Variants in EYA4 observed in about 807,000 individuals in gnomAD.
EYA4 encodes the protein protein phosphatase EYA4.
Under a neutral mutation model 87.9 loss-of-function variants are expected in EYA4, and 31 were observed. The observed-to-expected ratio is 0.35, with a 90% confidence interval of 0.27 to 0.48. EYA4 has a LOEUF of 0.48. EYA4 is among the 20% of genes least tolerant of loss of function. The probability of loss-of-function intolerance (pLI) is 0.99; values close to 1 mark genes in which losing one functional copy is unlikely to be tolerated. For synonymous variants in EYA4, 263 were observed against 270.6 expected (o/e 0.97, Z 0.28); for missense variants, 678 against 761.4 (o/e 0.89, Z 1.29).
At chr6:133,302,193 G>A (rs6919155) in intron 2 of EYA4, among the ~76,000 whole-genome samples, 20,913 of 151,952 alleles carry the variant, frequency 0.14, 1,549 homozygotes, top group Non-Finnish European at 0.17. Context: ...TAATAGGGTG[G>A]GATTTCCTTA....
chr6:133,480,258 C>T (rs1278757071), intron 11 of EYA4, among the ~76,000 whole-genome samples: 2 of 152,126 alleles, frequency 1.3e-5, no homozygotes, highest in Non-Finnish European at 1.5e-5. Context: ...ATAATAGTTT[C>T]GAGGAGGTGC....
chr6:133,364,443 C>T (rs1180848893), intron 2 of EYA4, among the ~76,000 whole-genome samples: 1 of 152,142 alleles, frequency 6.6e-6, no homozygotes, highest in East Asian at 1.9e-4. Flanking sequence ...GCGACACACC[C>T]ACAGCACAGA....
intron 2 of EYA4, among the ~76,000 whole-genome samples, chr6:133,291,000 TA>T (rs527909849): frequency 9.7e-4 from 147 of 152,304 alleles, no homozygotes; most frequent in East Asian, 5.2e-3. Flanking sequence ...CAGGGTCATC[TA>T]AAAAAACTCA....
At chr6:133,507,876 T>C (rs947866287) in intron 14 of EYA4, among the ~76,000 whole-genome samples, 3 of 152,208 alleles carry the variant, frequency 2.0e-5, no homozygotes, top group African/African-American at 7.2e-5. Flanking sequence ...AATAATCCTT[T>C]GGGTATATAC....
rs546612206 is a variant in EYA4 at position 133,390,268 on chromosome 6, G to A, written c.83+7827G>A. ...AGACTTTCGCTGTGTCACCCAGACT[G>A]GAGTGCGGTGGCAGAATCTCGGCTC... On this transcript the variant is annotated intron_variant, in intron 3 of 19. Transcript: ENST00000355286. Among the ~76,000 whole-genome samples, 10 of 152,094 alleles carry A rather than the reference G, an allele frequency of 6.6e-5. No individual in the cohort carries two copies. The East Asian group carries it at 1.9e-3, about 29-fold the overall frequency.
chr6:133,521,545 A>T (rs1462950202), intron 17 of EYA4, among the ~76,000 whole-genome samples: 2 of 130,868 alleles, frequency 1.5e-5, no homozygotes, highest in African/African-American at 6.0e-5. Flanking sequence ...ACCATTGTGG[A>T]AGTCAGTGTG....
chr6:133,424,476 G>A (rs73561742), intron 3 of EYA4, among the ~76,000 whole-genome samples: 11,108 of 151,248 alleles, frequency 0.073, 1,231 homozygotes, highest in African/African-American at 0.24. Flanking sequence ...GCAGGTGCCA[G>A]GAGCAGAGAG....
chr6:133,477,827 CA>C (rs1795871082), intron 11 of EYA4, among the ~76,000 whole-genome samples: 1 of 149,576 alleles, frequency 6.7e-6, no homozygotes, highest in Non-Finnish European at 1.5e-5. Flanking sequence ...CACACACACA[CA>C]CACACGCATA....
chr6:133,261,725 C>T (rs1775811256), intron 1 of EYA4, among the ~76,000 whole-genome samples: 1 of 152,164 alleles, frequency 6.6e-6, no homozygotes, highest in Non-Finnish European at 1.5e-5. Context: ...GTTTAAGTTG[C>T]AGATACTACT....
chr6:133,452,727 C>G (rs903390629), intron 5 of EYA4: 1 of 152,040 alleles, frequency 6.6e-6, no homozygotes, highest in Non-Finnish European at 1.5e-5. Context: ...TTGACTCTAT[C>G]AGAAACATCC....
At chr6:133,352,768 G>C (rs964147322) in intron 2 of EYA4, among the ~76,000 whole-genome samples, 6 of 152,118 alleles carry the variant, frequency 3.9e-5, no homozygotes, top group African/African-American at 7.2e-5. Context: ...ATTGAAAGGA[G>C]AATGACAGAA....
chr6:133,263,719 C>A lies in EYA4; in HGVS notation c.-65-10997C>A, dbSNP rs376189027. Reference sequence around the variant, plus strand: ...AGATACGCTTCTGAAAATTTACTTGCAGTTTGAAAATCTGGAAGCCAAACA... The same window carrying A: ...AGATACGCTTCTGAAAATTTACTTGAAGTTTGAAAATCTGGAAGCCAAACA... On this transcript the variant is annotated intron_variant, in intron 1 of 19. Coordinates refer to ENST00000355286, the MANE Select transcript of EYA4 (RefSeq NM_004100.5). Among the ~76,000 whole-genome samples, 9 of 152,314 alleles carry A rather than the reference C, an allele frequency of 5.9e-5. 1 individual carries two copies. Among genetic ancestry groups the A allele is most frequent in the Admixed American group, 5.9e-4 (9 of 15,300 alleles).
intron 3 of EYA4, among the ~76,000 whole-genome samples, chr6:133,384,846 T>C (rs940732991): frequency 7.9e-5 from 12 of 152,216 alleles, no homozygotes; most frequent in African/African-American, 2.4e-4. Context: ...AAGAATTTAC[T>C]GAATAGTGAA....
At chr6:133,479,832 G>C (rs1796052952) in intron 11 of EYA4, among the ~76,000 whole-genome samples, 2 of 152,090 alleles carry the variant, frequency 1.3e-5, no homozygotes, top group African/African-American at 2.4e-5. Flanking sequence ...TTGTTATACT[G>C]TATCTCACAG....
intron 1 of EYA4, among the ~76,000 whole-genome samples, chr6:133,245,859 C>G (rs2128223114): frequency 1.3e-5 from 2 of 152,332 alleles, no homozygotes; most frequent in Admixed American, 1.3e-4. Context: ...ATTACTGTCA[C>G]TCAATATTGC....
intron 13 of EYA4, 157 bp from the exon 14 acceptor site, chr6:133,505,949 A>G: frequency 1.6e-6 from 1 of 633,456 alleles, no homozygotes; most frequent in Non-Finnish European, 2.9e-6. Flanking sequence ...ACCTTCTGGA[A>G]AGTCACCTTT....
chr6:133,442,603 T>G (rs1189886176), intron 3 of EYA4, among the ~76,000 whole-genome samples: 3 of 152,178 alleles, frequency 2.0e-5, no homozygotes, highest in Non-Finnish European at 4.4e-5. Context: ...ATTTTCTCTA[T>G]AAACAATTAA....
At chr6:133,275,803 G>A (rs1393577598) in intron 2 of EYA4, among the ~76,000 whole-genome samples, 2 of 152,056 alleles carry the variant, frequency 1.3e-5, no homozygotes, top group Non-Finnish European at 2.9e-5. Flanking sequence ...GGATAGACAT[G>A]ACCATAGTCT....
At chr6:133,264,914 C>G (rs1385075920) in intron 1 of EYA4, among the ~76,000 whole-genome samples, 2 of 152,140 alleles carry the variant, frequency 1.3e-5, no homozygotes, top group Non-Finnish European at 2.9e-5. Flanking sequence ...TCACTGCAGC[C>G]TTGAACTCCT....
Sources: gnomAD v4.1 joint callset for allele counts (sites outside exome capture counted in the v4.1 genomes callset) on GRCh38, gnomAD v4.1.1 for gene constraint, MANE v1.5 for transcripts, NCBI Gene and HGNC (gene_info 2026-07-23, HGNC 2026-07-21) for gene names.